Variants in COMMD1 observed in about 807,000 individuals in gnomAD.
COMMD1 encodes the protein copper metabolism domain containing 1.
COMMD1 carries 10 observed loss-of-function variants against 17.2 expected under a neutral mutation model. The ratio of observed to expected loss-of-function variants is 0.58; its 90% CI spans 0.36 to 0.99. COMMD1 has a LOEUF of 0.99. Ranked by LOEUF, COMMD1 falls within the 50% of genes least tolerant of loss-of-function variation. The probability of loss-of-function intolerance (pLI) is 0.01; values close to 1 mark genes in which losing one functional copy is unlikely to be tolerated. For missense variants in COMMD1, 270 were observed against 231.8 expected, an observed-to-expected ratio of 1.17 and a Z score of -1.07; for synonymous variants, 97 against 91.6, an observed-to-expected ratio of 1.06 and a Z score of -0.34.
At chr2:61,948,601 C>T (rs191878561) in intron 1 of COMMD1, among the ~76,000 whole-genome samples, 267 of 152,268 alleles carry the variant, frequency 1.8e-3, no homozygotes, top group African/African-American at 5.4e-3. Flanking sequence ...ATACAGAATT[C>T]ACTAGTTTAA....
chr2:62,120,577 G>A (rs1672716210), intron 2 of COMMD1, among the ~76,000 whole-genome samples: 1 of 151,878 alleles, frequency 6.6e-6, no homozygotes. Context: ...TTTTCTTCAG[G>A]TATGCTGTCC....
chr2:62,061,456 A>C (rs1337598022), intron 2 of COMMD1, among the ~76,000 whole-genome samples: 1 of 151,894 alleles, frequency 6.6e-6, no homozygotes, highest in Non-Finnish European at 1.5e-5. Context: ...GCTTCTTAGA[A>C]TCTGTCCTGT....
At chr2:62,030,501 A>G (rs1669883952) in intron 2 of COMMD1, among the ~76,000 whole-genome samples, 1 of 152,154 alleles carries the variant, frequency 6.6e-6, no homozygotes, top group Non-Finnish European at 1.5e-5. Flanking sequence ...CCCTCCACCA[A>G]TTGTGACAAC....
intron 2 of COMMD1, among the ~76,000 whole-genome samples, chr2:62,094,908 T>C (rs1558597311): frequency 2.0e-5 from 3 of 152,236 alleles, no homozygotes; most frequent in African/African-American, 7.2e-5. Flanking sequence ...AATGGCAATT[T>C]TATATTTCTT....
upstream of COMMD1, among the ~76,000 whole-genome samples, chr2:61,903,597 G>A (rs1370595940): frequency 6.6e-6 from 1 of 150,934 alleles, no homozygotes; most frequent in East Asian, 2.0e-4. Flanking sequence ...TTGTCCCCAA[G>A]GCTAGAGTGC....
chr2:61,896,716 A>T (rs889610574), intron 1 of COMMD1, among the ~76,000 whole-genome samples: 2 of 152,208 alleles, frequency 1.3e-5, no homozygotes, highest in African/African-American at 2.4e-5. Flanking sequence ...AAAAGCACCT[A>T]AAAAACAGCA....
At chr2:62,019,236 C>T (rs1002871782) in intron 2 of COMMD1, among the ~76,000 whole-genome samples, 25 of 151,230 alleles carry the variant, frequency 1.7e-4, no homozygotes, top group African/African-American at 4.6e-4. Flanking sequence ...TGCAATGGCG[C>T]GATCTCAGCT....
intron 1 of COMMD1, among the ~76,000 whole-genome samples, chr2:61,975,118 C>CTTTTTTTTTTTTTTTTTTTTT: frequency 1.4e-4 from 11 of 80,156 alleles, no homozygotes; most frequent in Non-Finnish European, 2.1e-4. Flanking sequence ...TCATTTCTTT[C>CTTTTTTTTTTTTTTTTTTTTT]TTTTTTTTTT....
chr2:61,990,407 C>T (rs1672215876), intron 1 of COMMD1, among the ~76,000 whole-genome samples: 1 of 152,104 alleles, frequency 6.6e-6, no homozygotes, highest in South Asian at 2.1e-4. Context: ...TTCAGAGAGA[C>T]TGGGCACACT....
chr2:61,975,118 C>CTTTTTTTTTTTTTTTTTTTTTTTTTTTT, intron 1 of COMMD1, among the ~76,000 whole-genome samples: 7 of 80,166 alleles, frequency 8.7e-5, no homozygotes, highest in East Asian at 3.7e-4. Flanking sequence ...TCATTTCTTT[C>CTTTTTTTTTTTTTTTTTTTTTTTTTTTT]TTTTTTTTTT....
At chr2:61,958,201 C>G (rs1671244592) in intron 1 of COMMD1, among the ~76,000 whole-genome samples, 1 of 151,940 alleles carries the variant, frequency 6.6e-6, no homozygotes, top group South Asian at 2.1e-4. Flanking sequence ...TCTGACAGGC[C>G]CCAGCATGCG....
intron 2 of COMMD1, among the ~76,000 whole-genome samples, chr2:62,124,962 G>A (rs1418697053): frequency 6.6e-6 from 1 of 152,136 alleles, no homozygotes; most frequent in African/African-American, 2.4e-5. Context: ...CCATTTGAAA[G>A]TTCATGTTTC....
intron 1 of COMMD1, chr2:61,969,251 T>C (rs910744149): frequency 4.5e-5 from 7 of 155,172 alleles, no homozygotes; most frequent in Non-Finnish European, 1.0e-4. Flanking sequence ...GTAATTTTTA[T>C]TCTGCAGGCT....
At position 62,042,739 on chromosome 2, in the gene COMMD1, T is replaced by C. The variant is rs185598027; in HGVS notation, c.462+41757T>C. On this transcript the variant is annotated intron_variant, in intron 2 of 2. Coordinates refer to ENST00000311832, the MANE Select transcript of COMMD1 (RefSeq NM_152516.4). ...GGTGCCGAGAGCGAATGAGGGCTGC[T>C]AGCAAGTTGTCAACTCTCACTAGGA... 3.8e-3 allele frequency among the ~76,000 whole-genome samples: 573 copies of C among 152,294 alleles called. 6 individuals are homozygous for C. Among genetic ancestry groups the C allele is most frequent in the African/African-American group, 0.013 (525 of 41,570 alleles).
intron 2 of COMMD1, among the ~76,000 whole-genome samples, chr2:62,043,001 C>T (rs1181225638): frequency 6.6e-6 from 1 of 152,320 alleles, no homozygotes; most frequent in East Asian, 1.9e-4. Context: ...AGAAGATTGT[C>T]TAGTATCCAC....
At chr2:62,002,491 G>GGAAAAAA (rs1668975493) in intron 2 of COMMD1, among the ~76,000 whole-genome samples, 1 of 35,072 alleles carries the variant, frequency 2.9e-5, no homozygotes, top group African/African-American at 9.6e-5. Flanking sequence ...GATTCCACCA[G>GGAAAAAA]AAAAAAAAAA....
intron 1 of COMMD1, among the ~76,000 whole-genome samples, chr2:61,965,104 A>G (rs1671472428): frequency 6.6e-6 from 1 of 152,164 alleles, no homozygotes; most frequent in Admixed American, 6.5e-5. Flanking sequence ...CCTGACTTTT[A>G]TGTTTTTAGC....
chr2:62,027,706 C>T (rs1170579358), intron 2 of COMMD1, among the ~76,000 whole-genome samples: 1 of 152,016 alleles, frequency 6.6e-6, no homozygotes, highest in African/African-American at 2.4e-5. Context: ...CAAGGTCTCG[C>T]TCTGTCACCC....
At chr2:62,050,979 G>C (rs1670519423) in intron 2 of COMMD1, among the ~76,000 whole-genome samples, 1 of 152,060 alleles carries the variant, frequency 6.6e-6, no homozygotes, top group Non-Finnish European at 1.5e-5. Flanking sequence ...ACCTTGATAT[G>C]TACAGGTACT....
Sources: gnomAD v4.1 joint callset for allele counts (sites outside exome capture counted in the v4.1 genomes callset) on GRCh38, gnomAD v4.1.1 for gene constraint, MANE v1.5 for transcripts, NCBI Gene and HGNC (gene_info 2026-07-23, HGNC 2026-07-21) for gene names.